Variants in ZFYVE1 observed in about 807,000 individuals in gnomAD.
ZFYVE1 encodes the protein zinc finger FYVE domain-containing protein 1.
ZFYVE1 carries 30 observed loss-of-function variants against 74.4 expected under a neutral mutation model. That is an observed-to-expected ratio of 0.40 (90% CI 0.30 to 0.55). The LOEUF is 0.55. Ranked by LOEUF, ZFYVE1 falls within the 20% of genes least tolerant of loss-of-function variation. ZFYVE1 has a pLI of 0.42. For synonymous variants in ZFYVE1, 335 were observed against 385.1 expected, an observed-to-expected ratio of 0.87 and a Z score of 1.52; for missense variants, 703 against 1,011.6, an observed-to-expected ratio of 0.69 and a Z score of 4.14.
chr14:73,000,518 C>T (rs1003310269), intron 2 of ZFYVE1, among the ~76,000 whole-genome samples: 1 of 151,692 alleles, frequency 6.6e-6, no homozygotes, highest in African/African-American at 2.4e-5. Context: ...GCAAGAGGAT[C>T]GTTTGAGCTC....
chr14:72,993,486 C>CACCTT, intron 3 of ZFYVE1, 129 bp from the exon 4 acceptor site: 1 of 724,910 alleles, frequency 1.4e-6, no homozygotes, highest in Non-Finnish European at 2.2e-6. Context: ...GTGGATCACC[C>CACCTT]GAGGTCAGGA....
At chr14:72,995,793 G>A (rs1893730439) in intron 3 of ZFYVE1, among the ~76,000 whole-genome samples, 1 of 152,148 alleles carries the variant, frequency 6.6e-6, no homozygotes, top group Non-Finnish European at 1.5e-5. Flanking sequence ...ACTGGTGCCA[G>A]GTCCTTCAGA....
At chr14:73,019,092 T>G (rs1280017756) in intron 2 of ZFYVE1, among the ~76,000 whole-genome samples, 2 of 152,270 alleles carry the variant, frequency 1.3e-5, no homozygotes, top group African/African-American at 4.8e-5. Context: ...CTTCTCAAAT[T>G]TACCACTATA....
intron 11 of ZFYVE1, among the ~76,000 whole-genome samples, chr14:72,972,012 A>G (rs1893045927): frequency 6.6e-6 from 1 of 152,206 alleles, no homozygotes; most frequent in Non-Finnish European, 1.5e-5. Flanking sequence ...ACTCAAGGTC[A>G]GGAGTTCGAG....
At position 73,007,681 on chromosome 14, in the gene ZFYVE1, G is replaced by A. The variant is rs1463377550; in HGVS notation, c.484-9366C>T. ...GTGAGCCACTGAGCCCAACCCCATG[G>A]CCTAAATTTCAAACAGGATTTTACC... On this transcript the variant is annotated intron_variant, in intron 2 of 11. Transcript: ENST00000556143. Among the ~76,000 whole-genome samples the A allele has an allele frequency of 2.6e-5, 4 of 152,082 alleles. No homozygotes were observed. The East Asian group carries it at 7.7e-4, about 29-fold the overall frequency.
chr14:73,025,386 T>TCTTAACACTTACACTGG lies in ZFYVE1; in HGVS notation c.-434-461_-434-445dup, dbSNP rs1253843043. 3.9e-5 allele frequency among the ~76,000 whole-genome samples: 6 copies of TCTTAACACTTACACTGG among 151,970 alleles called. No individual in the cohort carries two copies. In the East Asian group the frequency reaches 1.2e-3, roughly 30 times the overall value. On this transcript the variant is annotated intron_variant, in intron 1 of 11. Transcript: ENST00000556143. Reference sequence around the variant, plus strand: ...ACCTGGCCAGAAATCTCATTTTCTATCTTAACACTTACACTGGCTTGTTGT... The same window carrying TCTTAACACTTACACTGG: ...ACCTGGCCAGAAATCTCATTTTCTATCTTAACACTTACACTGGCTTAACACTTACACTGGCTTGTTGT...
Position 73,024,656 on chromosome 14 carries a change from T to C in ZFYVE1, c.-148A>G, listed in dbSNP as rs1894418302. ...AAAGAACACCTTTCATGTCCTGTTATAGTTCTTCACAAACAAATGTTCAAA... is the reference window on the plus strand; with the variant it reads ...AAAGAACACCTTTCATGTCCTGTTACAGTTCTTCACAAACAAATGTTCAAA... On this transcript the variant is annotated 5_prime_UTR_variant, in exon 2 of 12. Coordinates refer to ENST00000556143, the MANE Select transcript of ZFYVE1 (RefSeq NM_021260.4). 3 of 1,175,142 alleles carry C rather than the reference T, an allele frequency of 2.6e-6. No individual in the cohort carries two copies. Among genetic ancestry groups the C allele is most frequent in the Non-Finnish European group, 3.4e-6 (3 of 874,912 alleles). 72.8% of individuals were successfully genotyped at this position (1,175,142 alleles called of 1,614,324 possible).
At chr14:73,006,467 C>T (rs1893981324) in intron 2 of ZFYVE1, among the ~76,000 whole-genome samples, 3 of 151,444 alleles carry the variant, frequency 2.0e-5, no homozygotes, top group Non-Finnish European at 4.4e-5. Context: ...CCCAGCTACT[C>T]GGGAGGCTAA....
intron 2 of ZFYVE1, among the ~76,000 whole-genome samples, chr14:73,023,223 T>TATATGTTTTATATATAATATATA: frequency 7.6e-6 from 1 of 130,844 alleles, no homozygotes; most frequent in East Asian, 2.1e-4. Context: ...TAATATATAT[T>TATATGTTTTATATATAATATATA]TTATATGTTT....
chr14:73,026,841 G>A (rs957005041), intron 1 of ZFYVE1, 85 bp downstream of exon 1: 9 of 136,136 alleles, frequency 6.6e-5, no homozygotes, highest in Non-Finnish European at 1.4e-4. Context: ...CCCGAGGGCA[G>A]CCTGAGCCCC....
At chr14:73,011,729 C>T (rs1894095515) in intron 2 of ZFYVE1, among the ~76,000 whole-genome samples, 1 of 150,018 alleles carries the variant, frequency 6.7e-6, no homozygotes, top group Non-Finnish European at 1.5e-5. Context: ...GCCATGTTGG[C>T]CAGGCTGGTC....
At chr14:72,972,096 C>T (rs971553930) in intron 11 of ZFYVE1, among the ~76,000 whole-genome samples, 2 of 152,056 alleles carry the variant, frequency 1.3e-5, no homozygotes, top group African/African-American at 4.8e-5. Flanking sequence ...GTGGTATAAC[C>T]CCAGCTACTT....
At chr14:73,016,638 T>C (rs1330602662) in intron 2 of ZFYVE1, among the ~76,000 whole-genome samples, 2 of 151,914 alleles carry the variant, frequency 1.3e-5, no homozygotes. Context: ...TCCCAGCACT[T>C]TGGGAGGCCG....
intron 4 of ZFYVE1, 115 bp downstream of exon 4, chr14:72,993,028 T>A: frequency 9.5e-7 from 1 of 1,058,088 alleles, no homozygotes. Context: ...CCGCTTCTTA[T>A]AACCTCTTTC....
rs571434484 is a variant in ZFYVE1 at position 73,014,297 on chromosome 14, C to A, written c.483+9729G>T. Among the ~76,000 whole-genome samples, 36 of 152,330 alleles carry A rather than the reference C, an allele frequency of 2.4e-4. 1 individual carries two copies. Among genetic ancestry groups the A allele is most frequent in the Non-Finnish European group, 2.5e-4 (17 of 68,030 alleles). On this transcript the variant is annotated intron_variant, in intron 2 of 11. Coordinates refer to ENST00000556143, the MANE Select transcript of ZFYVE1 (RefSeq NM_021260.4). ...ATGATCCCCAGGCTGAAAAAGCTCA[C>A]AAGACACTGGGCAGAAACTGAAGGC...
chr14:72,995,685 A>G (rs1893727860), intron 3 of ZFYVE1, among the ~76,000 whole-genome samples: 1 of 151,976 alleles, frequency 6.6e-6, no homozygotes, highest in Non-Finnish European at 1.5e-5. Flanking sequence ...TCCTCTCCTT[A>G]TCTTCGAGGC....
At chr14:73,026,552 A>G (rs1894465387) in intron 1 of ZFYVE1, among the ~76,000 whole-genome samples, 1 of 152,116 alleles carries the variant, frequency 6.6e-6, no homozygotes, top group Admixed American at 6.5e-5. Context: ...GTCACAATTG[A>G]GAAAAATATA....
chr14:72,993,367 C>G lies in ZFYVE1; in HGVS notation c.989-10G>C. ...ACCTCTGAGGGATGATCTATACAAGCAGAAACACAGGCACATGGGTAGTGA... is the reference window on the plus strand; with the variant it reads ...ACCTCTGAGGGATGATCTATACAAGGAGAAACACAGGCACATGGGTAGTGA... On this transcript the variant is annotated splice_polypyrimidine_tract_variant and intron_variant, in intron 3 of 11. Coordinates refer to ENST00000556143, the MANE Select transcript of ZFYVE1 (RefSeq NM_021260.4). 6.3e-7 allele frequency: 1 copy of G among 1,599,140 alleles called. No individual in the cohort carries two copies. The highest frequency in any genetic ancestry group is 8.5e-7 in the Non-Finnish European group (1 of 1,173,458).
chr14:72,973,317 C>A (rs982007391), intron 11 of ZFYVE1, among the ~76,000 whole-genome samples: 5 of 151,986 alleles, frequency 3.3e-5, no homozygotes, highest in Non-Finnish European at 4.4e-5. Context: ...GGTGAAACCC[C>A]GTCTCTACTA....
Sources: gnomAD v4.1 joint callset for allele counts (sites outside exome capture counted in the v4.1 genomes callset) on GRCh38, gnomAD v4.1.1 for gene constraint, MANE v1.5 for transcripts, NCBI Gene and HGNC (gene_info 2026-07-23, HGNC 2026-07-21) for gene names.